Variants in SNRNP48 observed in about 807,000 individuals in gnomAD.
SNRNP48 encodes U11/U12 small nuclear ribonucleoprotein 48 kDa protein.
A neutral mutation model predicts 47.0 loss-of-function variants in SNRNP48; 43 were observed. That is an observed-to-expected ratio of 0.92 (90% confidence interval 0.72 to 1.18). SNRNP48 has a LOEUF of 1.18. Among genes scored for constraint, SNRNP48 ranks in the 50% most tolerant of loss-of-function variants. The pLI, the probability that SNRNP48 is intolerant of heterozygous loss-of-function variation, is 0.00. For synonymous variants in SNRNP48, 138 were observed against 144.0 expected, an observed-to-expected ratio of 0.96 and a Z score of 0.30; for missense variants, 396 against 422.2, an observed-to-expected ratio of 0.94 and a Z score of 0.54.
chr6:7,605,975 G>A (rs1399941991), intron 7 of SNRNP48, 56 bp from the exon 8 acceptor site: 10 of 1,518,382 alleles, frequency 6.6e-6, no homozygotes, highest in Middle Eastern at 1.8e-4. Flanking sequence ...GTCTGTGTAC[G>A]TATACTGGAG....
intron 2 of SNRNP48, 56 bp downstream of exon 2, chr6:7,593,903 A>T (rs1022934777): frequency 2.3e-6 from 3 of 1,321,758 alleles, no homozygotes; most frequent in Non-Finnish European, 3.1e-6. Flanking sequence ...TTACACATTA[A>T]TTCACAATTT....
intron 8 of SNRNP48, among the ~76,000 whole-genome samples, chr6:7,608,322 C>T (rs1760170399): frequency 6.6e-6 from 1 of 152,038 alleles, no homozygotes; most frequent in African/African-American, 2.4e-5. Context: ...TTTGGGAGGC[C>T]AAGGCGGGTG....
intron 4 of SNRNP48, among the ~76,000 whole-genome samples, chr6:7,595,906 A>G (rs1009636152): frequency 6.6e-6 from 1 of 152,220 alleles, no homozygotes. Flanking sequence ...ACCTCAGCAG[A>G]GAGTAGGTTA....
At position 7,595,159 on chromosome 6, in the gene SNRNP48, G is replaced by A. The variant is rs559344475; in HGVS notation, c.406+58G>A. The A allele has an allele frequency of 4.3e-5, 61 of 1,408,416 alleles. No individual in the cohort carries two copies. In the East Asian group the frequency reaches 1.2e-3, roughly 27 times the overall value. The allele number at this position is 1,408,416 out of a possible 1,614,324, so 87.2% of individuals were successfully genotyped here. On this transcript the variant is annotated intron_variant, in intron 4 of 8. Transcript: ENST00000342415. ...AATGAAATTATTATTTTTCTCATAA[G>A]CATGTTACTAATTTTCTTCAAGAAA...
intron 4 of SNRNP48, among the ~76,000 whole-genome samples, chr6:7,598,060 G>A (rs1334316910): frequency 6.6e-6 from 1 of 150,768 alleles, no homozygotes; most frequent in African/African-American, 2.4e-5. Context: ...GTAGAGACGG[G>A]GTTTCACTGT....
chr6:7,597,387 G>T (rs1013773667), intron 4 of SNRNP48, among the ~76,000 whole-genome samples: 3 of 152,170 alleles, frequency 2.0e-5, no homozygotes, highest in Non-Finnish European at 4.4e-5. Flanking sequence ...CATACTAATC[G>T]TGACTATCAG....
At chr6:7,593,227 G>A (rs950182748) in intron 1 of SNRNP48, among the ~76,000 whole-genome samples, 2 of 152,006 alleles carry the variant, frequency 1.3e-5, no homozygotes, top group Non-Finnish European at 2.9e-5. Context: ...GACAAATAGA[G>A]CAAGGAAGAC....
intron 4 of SNRNP48, among the ~76,000 whole-genome samples, chr6:7,595,949 A>C (rs1759896645): frequency 1.3e-5 from 2 of 152,216 alleles, no homozygotes; most frequent in African/African-American, 4.8e-5. Context: ...AGGAAATTGA[A>C]AGAAAACTTC....
Position 7,608,918 on chromosome 6 carries a change from C to A in SNRNP48, c.*45C>A. Reference sequence around the variant, plus strand: ...ATTAATTATGCTTACGCCATGATAACCAATATACAGATATATTAATTGGAA... The same window carrying A: ...ATTAATTATGCTTACGCCATGATAAACAATATACAGATATATTAATTGGAA... On this transcript the variant is annotated 3_prime_UTR_variant, in exon 9 of 9. Coordinates refer to ENST00000342415, the MANE Select transcript of SNRNP48 (RefSeq NM_152551.4). 1 of 1,089,338 alleles carries A rather than the reference C, an allele frequency of 9.2e-7. No homozygotes were observed. Among genetic ancestry groups the A allele is most frequent in the Non-Finnish European group, 1.3e-6 (1 of 767,282 alleles). The allele number at this position is 1,089,338 out of a possible 1,614,324, so 67.5% of individuals were successfully genotyped here.
At chr6:7,598,512 T>A (rs758341939) in intron 4 of SNRNP48, among the ~76,000 whole-genome samples, 39 of 151,556 alleles carry the variant, frequency 2.6e-4, no homozygotes, top group East Asian at 3.9e-4. Flanking sequence ...GAAAAAAAAA[T>A]TTTTTTTTAT....
rs750264104 is a variant in SNRNP48 at position 7,607,188 on chromosome 6, C to A, written c.971+993C>A. Among the ~76,000 whole-genome samples, 67 of 152,304 alleles carry A rather than the reference C, an allele frequency of 4.4e-4. No homozygotes were observed. The Middle Eastern group carries it at 0.017, about 39-fold the overall frequency. ...CAAAGATTAGCCGGGTGTGGTGGTG[C>A]ATACCTGTGGTCCTAGCCACTTGTG... On this transcript the variant is annotated intron_variant, in intron 8 of 8. Coordinates refer to ENST00000342415, the MANE Select transcript of SNRNP48 (RefSeq NM_152551.4).
chr6:7,598,167 A>G lies in SNRNP48; in HGVS notation c.406+3066A>G, dbSNP rs377639046. Among the ~76,000 whole-genome samples the G allele has an allele frequency of 1.2e-4, 18 of 149,028 alleles. No individual in the cohort carries two copies. In the South Asian group the frequency reaches 3.8e-3, roughly 32 times the overall value. On this transcript the variant is annotated intron_variant, in intron 4 of 8. Coordinates refer to ENST00000342415, the MANE Select transcript of SNRNP48 (RefSeq NM_152551.4). ...CAGGCGGGAGCCACCGCGCCTGGCC[A>G]ACGGTAACTTTATATGATCTTCAAC... is the stretch of plus-strand genomic sequence containing the variant.
At chr6:7,608,354 C>A (rs1016103513) in intron 8 of SNRNP48, among the ~76,000 whole-genome samples, 8 of 151,950 alleles carry the variant, frequency 5.3e-5, no homozygotes, top group Non-Finnish European at 1.2e-4. Context: ...GTCAGGAGTT[C>A]GAGACCAGCC....
Position 7,594,149 on chromosome 6 carries a change from G to T in SNRNP48, c.321G>T (p.Ser107=). Residue 107 remains serine (S), a synonymous_variant, in exon 3 of 9, where the codon TCG becomes TCT. Transcript: ENST00000342415. ...EFFYENVKIP[S]ITLNKDSQFQ... ...TCTATGAAAATGTGAAGATACCTTCGATTACTTTGAGTAAGTATTAAGTTA... is the reference window on the plus strand; with the variant it reads ...TCTATGAAAATGTGAAGATACCTTCTATTACTTTGAGTAAGTATTAAGTTA... 7.3e-7 allele frequency: 1 copy of T among 1,378,608 alleles called. No homozygotes were observed. Among genetic ancestry groups the T allele is most frequent in the Non-Finnish European group, 9.9e-7 (1 of 1,014,014 alleles). The allele number at this position is 1,378,608 out of a possible 1,614,324, so 85.4% of individuals were successfully genotyped here.
At chr6:7,598,203 A>C (rs1759943317) in intron 4 of SNRNP48, among the ~76,000 whole-genome samples, 1 of 151,036 alleles carries the variant, frequency 6.6e-6, no homozygotes, top group Non-Finnish European at 1.5e-5. Flanking sequence ...CTTCTTTAAA[A>C]ATTTTTTTTG....
At chr6:7,597,702 T>C (rs1483660981) in intron 4 of SNRNP48, among the ~76,000 whole-genome samples, 2 of 152,128 alleles carry the variant, frequency 1.3e-5, no homozygotes, top group East Asian at 1.9e-4. Context: ...TTTATAATAG[T>C]AATAAGGGAG....
intron 6 of SNRNP48, among the ~76,000 whole-genome samples, chr6:7,603,739 T>A (rs1760074229): frequency 6.6e-6 from 1 of 152,236 alleles, no homozygotes; most frequent in African/African-American, 2.4e-5. Context: ...CTGTTCTTTT[T>A]ACAGTTAAAA....
intron 6 of SNRNP48, among the ~76,000 whole-genome samples, chr6:7,604,610 C>T (rs1165476805): frequency 6.6e-6 from 1 of 152,138 alleles, no homozygotes; most frequent in Admixed American, 6.5e-5. Flanking sequence ...CCCCGTGTCC[C>T]CTATACCTTT....
chr6:7,593,820 G>C lies in SNRNP48; in HGVS notation c.243G>C (p.Arg81Ser). 1 of 1,594,894 alleles carries C rather than the reference G, an allele frequency of 6.3e-7. No individual in the cohort carries two copies. Among genetic ancestry groups the C allele is most frequent in the South Asian group, 1.2e-5 (1 of 86,644 alleles). ...LAKHMASCRLRKMGYTKEEED... is the reference protein window; with the variant it reads ...LAKHMASCRLSKMGYTKEEED... ...AGCACATGGCATCTTGTAGATTGAG[G>C]AAAATGGGCTATACCAAAGAAGAAG... The change falls in exon 2 of 9, where the codon AGG becomes AGC. Residue 81 changes from arginine to serine, a missense_variant. Physicochemically the swap from Arg to Ser is moderately radical, Grantham distance 110. Transcript: ENST00000342415.
Sources: allele counts gnomAD v4.1 joint callset (sites outside exome capture counted in the v4.1 genomes callset), GRCh38; gene constraint gnomAD v4.1.1; transcripts MANE v1.5; gene names NCBI Gene and HGNC (gene_info 2026-07-23, HGNC 2026-07-21).